Variants in KCNIP4 observed in about 807,000 individuals in gnomAD.
KCNIP4 encodes the protein potassium voltage-gated channel interacting protein 4, also known as Kv channel-interacting protein 4.
In KCNIP4, 12 loss-of-function variants were observed where a neutral mutation model predicts 34.0. The ratio of observed to expected loss-of-function variants is 0.35; its 90% CI spans 0.23 to 0.57. KCNIP4 has a LOEUF of 0.57. Ranked by LOEUF, KCNIP4 falls within the 20% of genes least tolerant of loss-of-function variation. The pLI is 0.83. For synonymous variants in KCNIP4, 124 were observed against 102.2 expected, an observed-to-expected ratio of 1.21 and a Z score of -1.29; for missense variants, 238 against 311.7, an observed-to-expected ratio of 0.76 and a Z score of 1.78.
intron 3 of KCNIP4, among the ~76,000 whole-genome samples, chr4:20,833,425 C>T (rs145187007): frequency 1.1e-3 from 164 of 152,172 alleles, no homozygotes; most frequent in African/African-American, 3.8e-3. Context: ...GCGGAGATTG[C>T]AGTGCGCCGA....
In KCNIP4 at chr4:21,928,857, T is replaced by C. The variant is rs575230519; in HGVS notation, c.61+19714A>G. On this transcript the variant is annotated intron_variant, in intron 1 of 8. Transcript: ENST00000382152. ...CCAAGAAGAGACTCAATACCCCATA[T>C]TCCTTCCCGAGATCAACCTAACAAC... Among the ~76,000 whole-genome samples, 21 of 150,260 alleles carry C rather than the reference T, an allele frequency of 1.4e-4. No individual in the cohort carries two copies. In the South Asian group the frequency reaches 4.6e-3, roughly 33 times the overall value.
At chr4:21,062,529 C>CGTGTGT (rs765111393) in intron 1 of KCNIP4, among the ~76,000 whole-genome samples, 7 of 124,054 alleles carry the variant, frequency 5.6e-5, no homozygotes, top group East Asian at 2.5e-4. Flanking sequence ...TGTGTGTGTG[C>CGTGTGT]ATGTGTGTGT....
intron 1 of KCNIP4, among the ~76,000 whole-genome samples, chr4:21,323,612 T>C (rs1374903490): frequency 6.6e-6 from 1 of 152,134 alleles, no homozygotes; most frequent in Non-Finnish European, 1.5e-5. Flanking sequence ...TTTTTATGGC[T>C]GAGTAGTACT....
chr4:21,912,702 G>A (rs1432467793), intron 1 of KCNIP4, among the ~76,000 whole-genome samples: 1 of 152,074 alleles, frequency 6.6e-6, no homozygotes, highest in African/African-American at 2.4e-5. Flanking sequence ...TTAAGGATAG[G>A]AAAGGGCAAG....
intron 1 of KCNIP4, among the ~76,000 whole-genome samples, chr4:21,377,510 A>G (rs1241062604): frequency 6.6e-6 from 1 of 152,214 alleles, no homozygotes; most frequent in Non-Finnish European, 1.5e-5. Context: ...TATATGAGTA[A>G]TTTACAGAAA....
chr4:20,915,361 C>T (rs1341395569), intron 1 of KCNIP4, among the ~76,000 whole-genome samples: 1 of 152,000 alleles, frequency 6.6e-6, no homozygotes, highest in Non-Finnish European at 1.5e-5. Context: ...AGGATGAGTT[C>T]CAGCAAAAAA....
At position 20,979,422 on chromosome 4, in the gene KCNIP4, G is replaced by A. The variant is rs373713474; in HGVS notation, c.62-96713C>T. On this transcript the variant is annotated intron_variant, in intron 1 of 8. Coordinates refer to ENST00000382152, the MANE Select transcript of KCNIP4 (RefSeq NM_025221.6). ...TTCTTTTTTTTTTTTTTTTTGAGAT[G>A]GAGTCTCACTCTGTCGCCCAGGCTG... 1.9e-3 allele frequency among the ~76,000 whole-genome samples: 259 copies of A among 137,234 alleles called. 1 individual carries two copies. The highest frequency in any genetic ancestry group is 6.8e-3 in the African/African-American group (244 of 35,922). The allele number at this position is 137,234 out of a possible 152,430, so 90.0% of individuals were successfully genotyped here. A position where few individuals can be genotyped will look rare whatever the true frequency, so the allele number is the denominator to read the frequency against.
intron 1 of KCNIP4, among the ~76,000 whole-genome samples, chr4:21,725,590 T>A (rs542984107): frequency 1.3e-5 from 2 of 152,190 alleles, no homozygotes; most frequent in Non-Finnish European, 2.9e-5. Flanking sequence ...TAAGGCCCTG[T>A]AATCTTTGCA....
At chr4:20,734,780 A>C in intron 5 of KCNIP4, 45 bp from the exon 6 acceptor site, 1 of 1,174,232 alleles carries the variant, frequency 8.5e-7, no homozygotes, top group Non-Finnish European at 1.2e-6. Context: ...TTTTTAAAAA[A>C]ACAAAAACAA....
intron 1 of KCNIP4, among the ~76,000 whole-genome samples, chr4:21,492,583 TCA>T (rs1476125005): frequency 3.9e-5 from 6 of 152,136 alleles, no homozygotes; most frequent in African/African-American, 1.4e-4. Flanking sequence ...TTTTGTTAGT[TCA>T]CAGTGTTGAG....
chr4:21,786,034 C>T (rs556416808), intron 1 of KCNIP4, among the ~76,000 whole-genome samples: 12 of 152,288 alleles, frequency 7.9e-5, no homozygotes, highest in East Asian at 5.8e-4. Flanking sequence ...CTGCAACCTC[C>T]GCCTCTCGAT....
chr4:21,771,321 C>G (rs1718771261), intron 1 of KCNIP4, among the ~76,000 whole-genome samples: 1 of 152,114 alleles, frequency 6.6e-6, no homozygotes, highest in South Asian at 2.1e-4. Flanking sequence ...GGTACAAGTA[C>G]CATGCTATTT....
intron 1 of KCNIP4, among the ~76,000 whole-genome samples, chr4:21,046,587 A>ATTTATTTC (rs2149786186): frequency 6.6e-6 from 1 of 151,612 alleles, no homozygotes; most frequent in South Asian, 2.1e-4. Context: ...TAATTTATTT[A>ATTTATTTC]TTTATTTATT....
chr4:21,493,536 T>A (rs1732587671), intron 1 of KCNIP4, among the ~76,000 whole-genome samples: 1 of 152,180 alleles, frequency 6.6e-6, no homozygotes, highest in African/African-American at 2.4e-5. Context: ...TTTTTAAGGC[T>A]CTCCTCAAAT....
intron 1 of KCNIP4, among the ~76,000 whole-genome samples, chr4:21,660,312 T>C (rs1748339252): frequency 6.6e-6 from 1 of 152,206 alleles, no homozygotes; most frequent in Admixed American, 6.5e-5. Flanking sequence ...GGCTTGCAGA[T>C]AAGAAACATT....
chr4:21,117,663 C>T (rs1245028174), intron 1 of KCNIP4, among the ~76,000 whole-genome samples: 1 of 152,044 alleles, frequency 6.6e-6, no homozygotes, highest in Admixed American at 6.5e-5. Context: ...GGACAGGGGC[C>T]GTGTTGGGGA....
At chr4:21,815,240 TA>T (rs761901403) in intron 1 of KCNIP4, among the ~76,000 whole-genome samples, 4 of 152,136 alleles carry the variant, frequency 2.6e-5, no homozygotes, top group African/African-American at 4.8e-5. Context: ...ACCTCATCTG[TA>T]AAAAGGGGAT....
At chr4:21,141,994 A>G (rs935046693) in intron 1 of KCNIP4, among the ~76,000 whole-genome samples, 5 of 151,802 alleles carry the variant, frequency 3.3e-5, no homozygotes, top group Middle Eastern at 3.2e-3. Flanking sequence ...TACTAAAAAT[A>G]CTAAAAATTT....
chr4:21,391,012 T>C (rs1452823284), intron 1 of KCNIP4, among the ~76,000 whole-genome samples: 1 of 152,144 alleles, frequency 6.6e-6, no homozygotes, highest in Non-Finnish European at 1.5e-5. Flanking sequence ...CATCCTAGTG[T>C]GTGTGAAGTG....
Sources: allele counts gnomAD v4.1 joint callset (sites outside exome capture counted in the v4.1 genomes callset), GRCh38; gene constraint gnomAD v4.1.1; transcripts MANE v1.5; gene names NCBI Gene and HGNC (gene_info 2026-07-23, HGNC 2026-07-21).